IL18: variants seen among roughly 807,000 people sequenced by gnomAD.
IL18 encodes interleukin 18.
A neutral mutation model predicts 14.2 loss-of-function variants in IL18; 8 were observed. The ratio of observed to expected loss-of-function variants is 0.56; its 90% confidence interval spans 0.33 to 1.01. The LOEUF is 1.01. IL18 is among the 50% of genes least tolerant of loss of function. The pLI, the probability that IL18 is intolerant of heterozygous loss-of-function variation, is 0.03. For synonymous variants in IL18, 67 were observed against 71.0 expected (o/e 0.94, Z 0.28); for missense variants, 166 against 231.1 (o/e 0.72, Z 1.83).
chr11:112,157,799 C>T (rs986832762), intron 1 of IL18, among the ~76,000 whole-genome samples: 6 of 152,080 alleles, frequency 3.9e-5, no homozygotes, highest in Admixed American at 2.6e-4. Context: ...CAAATGTAGT[C>T]ACATTTTACA....
At chr11:112,160,638 C>A (rs1271036772) in intron 1 of IL18, among the ~76,000 whole-genome samples, 1 of 152,068 alleles carries the variant, frequency 6.6e-6, no homozygotes, top group Non-Finnish European at 1.5e-5. Flanking sequence ...TAAAAGTTTG[C>A]TATGATAAAC....
chr11:112,162,843 C>T (rs933867129), intron 1 of IL18, among the ~76,000 whole-genome samples: 6 of 152,166 alleles, frequency 3.9e-5, no homozygotes, highest in African/African-American at 9.7e-5. Flanking sequence ...GAGAAAGTCT[C>T]GCTCTGTTTA....
intron 1 of IL18, among the ~76,000 whole-genome samples, chr11:112,156,641 C>A (rs5744240): frequency 0.38 from 57,445 of 151,734 alleles, 11,190 homozygotes; most frequent in South Asian, 0.59. Flanking sequence ...GACAGGGTTT[C>A]ACCACGTTGC....
intron 5 of IL18, among the ~76,000 whole-genome samples, chr11:112,145,498 G>A (rs1444945661): frequency 6.6e-6 from 1 of 152,220 alleles, no homozygotes; most frequent in Non-Finnish European, 1.5e-5. Context: ...CCAGCACTTT[G>A]GGAGGCTGAG....
At chr11:112,152,129 CG>C (rs1866450947) in intron 3 of IL18, among the ~76,000 whole-genome samples, 1 of 152,164 alleles carries the variant, frequency 6.6e-6, no homozygotes, top group Non-Finnish European at 1.5e-5. Context: ...AGATCCAAAA[CG>C]AAATGCGTCA....
At chr11:112,163,159 A>G in intron 1 of IL18, among the ~76,000 whole-genome samples, 1 of 152,160 alleles carries the variant, frequency 6.6e-6, no homozygotes, top group East Asian at 1.9e-4. Flanking sequence ...TCAAACAGAG[A>G]TATTTATTCA....
intron 1 of IL18, among the ~76,000 whole-genome samples, chr11:112,157,062 G>C (rs1408896490): frequency 6.6e-6 from 1 of 152,038 alleles, no homozygotes; most frequent in Non-Finnish European, 1.5e-5. Context: ...AGCTCCACGA[G>C]GGCATGTTCT....
In IL18 at chr11:112,143,793, T is replaced by C; in HGVS notation, c.385A>G (p.Lys129Glu). ...FKEMNPPDNI[K>E]DTKSDIIFFQ... ...AATATGATGTCACTTTTTGTATCCT[T>C]GATGTTATCAGGAGGATTCATTTCC... Residue 129 changes from lysine (K) to glutamate (E), a missense_variant, in exon 6 of 6, where the codon AAG becomes GAG. By Grantham distance (56) the Lys-to-Glu change is moderately conservative. Coordinates refer to ENST00000280357, the MANE Select transcript of IL18 (RefSeq NM_001562.4). The C allele has an allele frequency of 1.2e-6, 2 of 1,604,084 alleles. No homozygotes were observed. The highest frequency in any genetic ancestry group is 2.2e-5 in the South Asian group (2 of 90,772).
chr11:112,157,769 C>T (rs1244930510), intron 1 of IL18, among the ~76,000 whole-genome samples: 1 of 152,038 alleles, frequency 6.6e-6, no homozygotes, highest in Non-Finnish European at 1.5e-5. Flanking sequence ...GAGGCCTCAA[C>T]ATTTTTACCA....
chr11:112,158,013 C>T (rs904314916), intron 1 of IL18, among the ~76,000 whole-genome samples: 1 of 152,176 alleles, frequency 6.6e-6, no homozygotes, highest in South Asian at 2.1e-4. Flanking sequence ...TGCACCACCA[C>T]GCCCGGCTAA....
At chr11:112,143,838 C>T (rs911992503) in intron 5 of IL18, 21 bp from the exon 6 acceptor site, 2 of 1,415,662 alleles carry the variant, frequency 1.4e-6, no homozygotes, top group South Asian at 1.2e-5. Context: ...AAAAACATTA[C>T]CTAATTATTT....
chr11:112,154,028 T>C lies in IL18; in HGVS notation c.80-425A>G, dbSNP rs369649939. On this transcript the variant is annotated intron_variant, in intron 2 of 5. Coordinates refer to ENST00000280357, the MANE Select transcript of IL18 (RefSeq NM_001562.4). ...AGGCTGGAGTGTAGGGGTGGGATCA[T>C]AGCTCACTGCAGGCTCAAATTCCTA... 6.6e-5 allele frequency among the ~76,000 whole-genome samples: 10 copies of C among 152,012 alleles called. No homozygotes were observed. In the East Asian group the frequency reaches 1.5e-3, roughly 23 times the overall value.
chr11:112,149,370 T>C (rs1866397103), intron 4 of IL18, among the ~76,000 whole-genome samples: 1 of 152,042 alleles, frequency 6.6e-6, no homozygotes, highest in Non-Finnish European at 1.5e-5. Flanking sequence ...TTGAGTATTT[T>C]AAAGATATGA....
intron 1 of IL18, among the ~76,000 whole-genome samples, chr11:112,160,312 C>CT (rs56345155): frequency 0.8 from 110,527 of 138,058 alleles, 44,654 homozygotes; most frequent in East Asian, 0.96. Context: ...CTTCCCCTGC[C>CT]TTTTTTTTTT....
chr11:112,150,279 T>G, intron 3 of IL18, 73 bp from the exon 4 acceptor site: 1 of 1,054,116 alleles, frequency 9.5e-7, no homozygotes, highest in Non-Finnish European at 1.4e-6. Flanking sequence ...ATGCTATATA[T>G]TTTAGTTTTC....
At chr11:112,161,697 C>A (rs1248027827) in intron 1 of IL18, among the ~76,000 whole-genome samples, 1 of 152,078 alleles carries the variant, frequency 6.6e-6, no homozygotes, top group Non-Finnish European at 1.5e-5. Flanking sequence ...CTACTTGGGA[C>A]ACTGAGGCAG....
chr11:112,163,739 T>A (rs1312176259), intron 1 of IL18, among the ~76,000 whole-genome samples, 167 bp downstream of exon 1: 1 of 152,138 alleles, frequency 6.6e-6, no homozygotes, highest in East Asian at 1.9e-4. Flanking sequence ...CCATATCTGA[T>A]AAAAGAAAAA....
At position 112,150,109 on chromosome 11, in the gene IL18, C is replaced by T; in HGVS notation, c.189G>A (p.Arg63=). 6.2e-7 allele frequency: 1 copy of T among 1,610,728 alleles called. No homozygotes were observed. The highest frequency in any genetic ancestry group is 8.5e-7 in the Non-Finnish European group (1 of 1,178,666). Residue 63 remains arginine, a synonymous_variant, in exon 4 of 6, where the codon CGG becomes CGA. Transcript: ENST00000280357. ...AATCAGTCATATCTTCAAATAGAGG[C>T]CGATTTCCTTGGTCAATGAAGAGAA... ...DQVLFIDQGN[R]PLFEDMTDSD... is the part of the protein sequence containing the mutation.
intron 4 of IL18, among the ~76,000 whole-genome samples, chr11:112,149,038 T>A (rs1316742075): frequency 2.0e-5 from 3 of 151,968 alleles, no homozygotes; most frequent in Non-Finnish European, 4.4e-5. Flanking sequence ...TGTGGGGTTG[T>A]TTGTTTGTTT....
Sources: allele counts gnomAD v4.1 joint callset (sites outside exome capture counted in the v4.1 genomes callset), GRCh38; gene constraint gnomAD v4.1.1; transcripts MANE v1.5; gene names NCBI Gene and HGNC (gene_info 2026-07-23, HGNC 2026-07-21).